CASZ1: variants seen among roughly 807,000 people sequenced by gnomAD.
CASZ1 encodes castor zinc finger 1, also known as zinc finger protein castor homolog 1.
A neutral mutation model predicts 135.2 loss-of-function variants in CASZ1; 28 were observed. That is an observed-to-expected ratio of 0.21 (90% CI 0.15 to 0.28). The LOEUF is 0.28. Among genes scored for constraint, CASZ1 ranks in the 10% least tolerant of loss-of-function variants. CASZ1 has a pLI of 1.00. For synonymous variants in CASZ1, 1,068 were observed against 1,073.4 expected (o/e 0.99, Z 0.10); for missense variants, 2,161 against 2,453.3 (o/e 0.88, Z 2.52).
intron 3 of CASZ1, among the ~76,000 whole-genome samples, chr1:10,698,193 C>G (rs578079017): frequency 6.6e-6 from 1 of 152,354 alleles, no homozygotes; most frequent in Non-Finnish European, 1.5e-5. Context: ...ACGCTCGGCC[C>G]CGTAATCCTG....
At chr1:10,790,411 C>T (rs962896617) in intron 1 of CASZ1, among the ~76,000 whole-genome samples, 1 of 152,158 alleles carries the variant, frequency 6.6e-6, no homozygotes, top group African/African-American at 2.4e-5. Flanking sequence ...CGTGAATCTC[C>T]CCCTGAGCTC....
At chr1:10,765,097 C>T (rs887256553) in intron 1 of CASZ1, among the ~76,000 whole-genome samples, 1 of 152,164 alleles carries the variant, frequency 6.6e-6, no homozygotes, top group Non-Finnish European at 1.5e-5. Flanking sequence ...ATCGGAACCT[C>T]CCCCCACAAT....
Position 10,647,521 on chromosome 1 carries a change from C to T in CASZ1, c.3497+280G>A. 1 of 1,343,956 alleles carries T rather than the reference C, an allele frequency of 7.4e-7. No individual in the cohort carries two copies. Among genetic ancestry groups the T allele is most frequent in the Non-Finnish European group, 9.6e-7 (1 of 1,042,602 alleles). The allele number at this position is 1,343,956 out of a possible 1,614,324, so 83.3% of individuals were successfully genotyped here. On this transcript the variant is annotated intron_variant, in intron 16 of 20. Coordinates refer to ENST00000377022, the MANE Select transcript of CASZ1 (RefSeq NM_001079843.3). The surrounding 1 kb of genome is among the most constrained non-coding windows in gnomAD (Gnocchi z 4.9). The stretch of plus-strand genomic sequence containing the variant: ...CCTCTGAGGACCACCACGCCCAGTC[C>T]ACCCCACCTGGCCCTGGCAGGATCA...
At chr1:10,718,617 G>A (rs1420250118) in intron 2 of CASZ1, among the ~76,000 whole-genome samples, 1 of 152,218 alleles carries the variant, frequency 6.6e-6, no homozygotes, top group East Asian at 1.9e-4. Flanking sequence ...GGGCCAGAGG[G>A]TGGGAAAGGA....
intron 20 of CASZ1, among the ~76,000 whole-genome samples, chr1:10,640,517 T>C (rs941310819): frequency 6.6e-6 from 1 of 152,220 alleles, no homozygotes; most frequent in Non-Finnish European, 1.5e-5. Flanking sequence ...CTACCCGGCT[T>C]CCCTGGCTGC....
intron 2 of CASZ1, among the ~76,000 whole-genome samples, chr1:10,714,899 G>T (rs560427962): frequency 6.6e-6 from 1 of 151,652 alleles, no homozygotes; most frequent in South Asian, 2.1e-4. Context: ...ACCCAGCCCA[G>T]CATTGGCCCT....
chr1:10,646,570 G>A lies in CASZ1; in HGVS notation c.3498-244C>T, dbSNP rs1642369406. On this transcript the variant is annotated intron_variant, in intron 16 of 20. Transcript: ENST00000377022. The surrounding 1 kb of genome is among the most constrained non-coding windows in gnomAD (Gnocchi z 6.4). ...GGGATTGCAATATGCAGGGTGCCCAGAGCATTGCATGCTGGGACAAGTAGT... is the reference window on the plus strand; with the variant it reads ...GGGATTGCAATATGCAGGGTGCCCAAAGCATTGCATGCTGGGACAAGTAGT... 6.6e-6 allele frequency among the ~76,000 whole-genome samples: 1 copy of A among 152,254 alleles called. No homozygotes were observed. Among genetic ancestry groups the A allele is most frequent in the Non-Finnish European group, 1.5e-5 (1 of 68,044 alleles).
At chr1:10,789,544 A>G (rs1640917588) in intron 1 of CASZ1, among the ~76,000 whole-genome samples, 1 of 144,806 alleles carries the variant, frequency 6.9e-6, no homozygotes, top group Non-Finnish European at 1.5e-5. Flanking sequence ...CTCTCTCTCT[A>G]TCCTCCTCTC....
chr1:10,678,074 C>T (rs1364484508), intron 4 of CASZ1, among the ~76,000 whole-genome samples: 2 of 152,182 alleles, frequency 1.3e-5, no homozygotes, highest in African/African-American at 2.4e-5. Flanking sequence ...ACAGGGCAGG[C>T]GCTCTCTGGG....
At position 10,752,229 on chromosome 1, in the gene CASZ1, G is replaced by C. The variant is rs540852404; in HGVS notation, c.-77+8472C>G. On this transcript the variant is annotated intron_variant, in intron 2 of 20. Coordinates refer to ENST00000377022, the MANE Select transcript of CASZ1 (RefSeq NM_001079843.3). ...TCGTCCCTGACCTTGTGCCTGGCCT[G>C]GTCCAGCCCCTCCTACACAGTGGGC... 5.3e-4 allele frequency among the ~76,000 whole-genome samples: 81 copies of C among 152,296 alleles called. 1 individual carries two copies. The highest frequency in any genetic ancestry group is 1.9e-3 in the African/African-American group (79 of 41,564).
chr1:10,744,419 C>CG (rs1212810891), intron 2 of CASZ1, among the ~76,000 whole-genome samples: 7 of 79,354 alleles, frequency 8.8e-5, no homozygotes, highest in South Asian at 6.4e-4. Context: ...ATGTCCTGGG[C>CG]ACCACGAGCA....
intron 1 of CASZ1, among the ~76,000 whole-genome samples, chr1:10,779,328 A>G (rs913795461): frequency 6.8e-6 from 1 of 147,166 alleles, no homozygotes; most frequent in African/African-American, 2.6e-5. Context: ...GTTTTGGGCA[A>G]AGGACAAAAG....
intron 13 of CASZ1, 112 bp from the exon 14 acceptor site, chr1:10,649,549 A>G: frequency 2.4e-6 from 3 of 1,261,796 alleles, no homozygotes; most frequent in Non-Finnish European, 3.2e-6. Context: ...CAGCCCTCAG[A>G]GCCAGCAGAG....
Position 10,648,040 on chromosome 1 carries a change from G to A in CASZ1, c.3258C>T (p.Ser1086=). 6.2e-7 allele frequency: 1 copy of A among 1,601,830 alleles called. No individual in the cohort carries two copies. The highest frequency in any genetic ancestry group is 1.1e-5 in the South Asian group (1 of 89,346). Residue 1086 remains serine, a synonymous_variant, in exon 16 of 21, where the codon TCC becomes TCT. Transcript: ENST00000377022. The part of the protein sequence containing the change: ...AETKPPMAPS[S]PPVPPVTTAT... ...CCGTGGTGACAGGAGGGACCGGAGG[G>A]GACGAGGGGGCCATGGGAGGTTTGG...
intron 20 of CASZ1, among the ~76,000 whole-genome samples, chr1:10,640,417 G>T (rs370865736): frequency 2.6e-5 from 4 of 152,308 alleles, no homozygotes; most frequent in South Asian, 4.1e-4. Context: ...AATCTAGGTC[G>T]GCAGAGTGCA....
At chr1:10,660,624 GAGGGGGTC>G in intron 5 of CASZ1, 88 bp from the exon 6 acceptor site, 1 of 1,081,204 alleles carries the variant, frequency 9.2e-7, no homozygotes, top group Non-Finnish European at 1.4e-6. Context: ...CCCATAGAGG[GAGGGGGTC>G]AGTGTGGGGA....
At chr1:10,669,183 T>C (rs1570448425) in intron 4 of CASZ1, among the ~76,000 whole-genome samples, 2 of 152,130 alleles carry the variant, frequency 1.3e-5, no homozygotes, top group Admixed American at 1.3e-4. Flanking sequence ...TCCCATTTCA[T>C]AGAGGAGGAG....
intron 1 of CASZ1, among the ~76,000 whole-genome samples, chr1:10,771,003 C>T (rs568945343): frequency 4.2e-4 from 64 of 152,314 alleles, no homozygotes; most frequent in Middle Eastern, 3.4e-3. Flanking sequence ...CCAAGCATCT[C>T]CTCCTGGGAT....
intron 4 of CASZ1, among the ~76,000 whole-genome samples, chr1:10,670,088 TG>T (rs1643355322): frequency 6.6e-6 from 1 of 151,616 alleles, no homozygotes; most frequent in Non-Finnish European, 1.5e-5. Context: ...ACCCCTGGGT[TG>T]GGGGTGGGCT....
Sources: gnomAD v4.1 joint callset for allele counts (sites outside exome capture counted in the v4.1 genomes callset) on GRCh38, gnomAD v4.1.1 for gene constraint, Gnocchi (gnomAD v3.1) non-coding constraint, MANE v1.5 for transcripts, NCBI Gene and HGNC (gene_info 2026-07-23, HGNC 2026-07-21) for gene names.